The following STARD13 variants were observed in gnomAD, a reference collection of about 807,000 sequenced individuals.
STARD13 encodes the protein StAR related lipid transfer domain containing 13.
STARD13 carries 62 observed loss-of-function variants against 106.4 expected under a neutral mutation model. The ratio of observed to expected loss-of-function variants is 0.58; its 90% CI spans 0.48 to 0.72. The LOEUF (loss-of-function observed/expected upper bound fraction) is 0.72, where lower values mean the gene tolerates loss of function less well. Ranked by LOEUF, STARD13 falls within the 30% of genes least tolerant of loss-of-function variation. The pLI is 0.00. For missense variants in STARD13, 1,387 were observed against 1,424.0 expected, an observed-to-expected ratio of 0.97 and a Z score of 0.42; for synonymous variants, 565 against 553.0, an observed-to-expected ratio of 1.02 and a Z score of -0.31.
the STARD13 span, among the ~76,000 whole-genome samples, chr13:33,465,201 C>CTTTTTTTTTTTTTT: frequency 1.6e-5 from 1 of 60,644 alleles, no homozygotes; most frequent in African/African-American, 5.1e-5. Flanking sequence ...TGGTCTTCTT[C>CTTTTTTTTTTTTTT]TTTTTTTTTT....
the STARD13 span, among the ~76,000 whole-genome samples, chr13:33,540,365 G>A: frequency 6.6e-6 from 1 of 152,082 alleles, no homozygotes; most frequent in Admixed American, 6.5e-5. Flanking sequence ...CTACTATTGG[G>A]CCTTGGAGAC....
intron 3 of STARD13, among the ~76,000 whole-genome samples, chr13:33,146,672 CT>C (rs1286200086): frequency 6.6e-6 from 1 of 152,162 alleles, no homozygotes; most frequent in Admixed American, 6.5e-5. Flanking sequence ...CAAAACCCCA[CT>C]TCTTCATAAA....
chr13:33,494,725 CT>C, the STARD13 span, among the ~76,000 whole-genome samples: 62 of 146,496 alleles, frequency 4.2e-4, 3 homozygotes, highest in Admixed American at 1.4e-3. Flanking sequence ...AAAAGCAGTA[CT>C]TTTTTTTTTT....
At position 33,148,849 on chromosome 13, in the gene STARD13, C is replaced by G. The variant is rs1452414983; in HGVS notation, c.324-6476G>C. On this transcript the variant is annotated intron_variant, in intron 3 of 13. Coordinates refer to ENST00000336934, the MANE Select transcript of STARD13 (RefSeq NM_178006.4). ...TCAGGTGAATGGATAAACTGTGGTC[C>G]ATGTGGGCAATAGAATGTTATTCAC... Among the ~76,000 whole-genome samples the G allele has an allele frequency of 2.0e-5, 3 of 152,076 alleles. No homozygotes were observed. The East Asian group carries it at 5.8e-4, about 29-fold the overall frequency.
At chr13:33,383,888 T>A in the STARD13 span, among the ~76,000 whole-genome samples, 1 of 151,470 alleles carries the variant, frequency 6.6e-6, no homozygotes, top group Admixed American at 6.6e-5. Context: ...GAAGTTTTCA[T>A]CCATGAGGAG....
chr13:33,590,821 G>A, the STARD13 span, among the ~76,000 whole-genome samples: 6 of 152,060 alleles, frequency 3.9e-5, no homozygotes, highest in South Asian at 6.2e-4. Context: ...ACACCTGCAC[G>A]TTGTGCACAT....
chr13:33,396,574 A>T, the STARD13 span, among the ~76,000 whole-genome samples: 2 of 152,142 alleles, frequency 1.3e-5, no homozygotes, highest in African/African-American at 4.8e-5. Context: ...CTGTTATATT[A>T]TTCTACCCCA....
rs922323870 is a variant in STARD13, at chr13:33,259,781, G to A, written c.169+25689C>T. Among the ~76,000 whole-genome samples the A allele has an allele frequency of 2.6e-5, 4 of 151,992 alleles. No individual in the cohort carries two copies. In the South Asian group the frequency reaches 8.3e-4, roughly 32 times the overall value. On this transcript the variant is annotated intron_variant, in intron 1 of 13. Transcript: ENST00000336934. Reference sequence around the variant, plus strand: ...ATCTATTTATGCAGGCACTTCCTAGGCAATGATGACCTTCCATATTAATAT... The same window carrying A: ...ATCTATTTATGCAGGCACTTCCTAGACAATGATGACCTTCCATATTAATAT...
At chr13:33,547,238 A>T in the STARD13 span, among the ~76,000 whole-genome samples, 1 of 152,192 alleles carries the variant, frequency 6.6e-6, no homozygotes, top group African/African-American at 2.4e-5. Flanking sequence ...AGATGTAGCT[A>T]TTGTGTCAAC....
the STARD13 span, among the ~76,000 whole-genome samples, chr13:33,643,833 G>T: frequency 2.0e-5 from 3 of 152,188 alleles, no homozygotes; most frequent in Non-Finnish European, 4.4e-5. Context: ...AACTCTCCAT[G>T]CCCTCCTTGC....
the STARD13 span, among the ~76,000 whole-genome samples, chr13:33,501,035 A>C: frequency 6.7e-6 from 1 of 149,594 alleles, no homozygotes; most frequent in African/African-American, 2.4e-5. Context: ...AAAAAATAAC[A>C]AAAAACCCTG....
chr13:33,631,798 A>G, the STARD13 span, among the ~76,000 whole-genome samples: 1 of 152,232 alleles, frequency 6.6e-6, no homozygotes, highest in African/African-American at 2.4e-5. Context: ...TCAAAATACC[A>G]TATTCAGAGA....
At chr13:33,466,385 C>T in the STARD13 span, among the ~76,000 whole-genome samples, 1 of 151,980 alleles carries the variant, frequency 6.6e-6, no homozygotes, top group Non-Finnish European at 1.5e-5. Flanking sequence ...ACCCTGCATC[C>T]CTCTCCTATT....
At chr13:33,529,566 A>G in the STARD13 span, among the ~76,000 whole-genome samples, 4 of 152,198 alleles carry the variant, frequency 2.6e-5, no homozygotes, top group Non-Finnish European at 4.4e-5. Flanking sequence ...AAAAATAAAT[A>G]TAACATATTT....
the STARD13 span, among the ~76,000 whole-genome samples, chr13:33,372,964 G>A: frequency 7.9e-5 from 12 of 152,020 alleles, no homozygotes; most frequent in Non-Finnish European, 1.8e-4. Flanking sequence ...ATGCTTCAGG[G>A]TACAGTCTGA....
the STARD13 span, among the ~76,000 whole-genome samples, chr13:33,452,181 G>T: frequency 1.3e-5 from 2 of 152,118 alleles, no homozygotes; most frequent in Non-Finnish European, 2.9e-5. Flanking sequence ...GGACCCAGGG[G>T]CACGAGGTCT....
At chr13:33,125,845 C>T (rs17596576) in intron 7 of STARD13, among the ~76,000 whole-genome samples, 21,413 of 152,208 alleles carry the variant, frequency 0.14, 1,868 homozygotes, top group Middle Eastern at 0.22. Flanking sequence ...AAACTGTTAA[C>T]GTCAACTTTC....
chr13:33,480,460 T>C, the STARD13 span, among the ~76,000 whole-genome samples: 1 of 152,298 alleles, frequency 6.6e-6, no homozygotes, highest in African/African-American at 2.4e-5. Context: ...TGGTGGGTAG[T>C]AATAATGTTG....
chr13:33,257,263 G>A (rs930782926), intron 1 of STARD13, among the ~76,000 whole-genome samples: 1 of 152,112 alleles, frequency 6.6e-6, no homozygotes, highest in South Asian at 2.1e-4. Flanking sequence ...ACACAGAGCT[G>A]GGCAGAGGAA....
Sources: allele counts gnomAD v4.1 joint callset (sites outside exome capture counted in the v4.1 genomes callset), GRCh38; gene constraint gnomAD v4.1.1; transcripts MANE v1.5; gene names NCBI Gene and HGNC (gene_info 2026-07-23, HGNC 2026-07-21).